ABCF3: variants seen among roughly 807,000 people sequenced by gnomAD.
ABCF3 encodes ATP-binding cassette sub-family F member 3.
Under a neutral mutation model 94.3 loss-of-function variants are expected in ABCF3, and 62 were observed. That is an observed-to-expected ratio of 0.66 (90% CI 0.54 to 0.81). The LOEUF (loss-of-function observed/expected upper bound fraction) is 0.81. Ranked by LOEUF, ABCF3 falls within the 40% of genes least tolerant of loss-of-function variation. The probability of loss-of-function intolerance (pLI) is 0.00; values close to 1 mark genes in which losing one functional copy is unlikely to be tolerated. For synonymous variants in ABCF3, 355 were observed against 361.1 expected (o/e 0.98, Z 0.19); for missense variants, 843 against 925.3 (o/e 0.91, Z 1.15).
At chr3:184,191,649 T>A (rs988606770) in intron 16 of ABCF3, among the ~76,000 whole-genome samples, 2 of 151,978 alleles carry the variant, frequency 1.3e-5, no homozygotes, top group African/African-American at 4.8e-5. Context: ...CGCTGACATC[T>A]ACCTCACTTG....
rs1716177299 is a variant in ABCF3 at position 184,193,689 on chromosome 3, C to T, written c.2121C>T (p.Gly707=). 3.1e-6 allele frequency: 5 copies of T among 1,609,612 alleles called. No homozygotes were observed. The highest frequency in any genetic ancestry group is 4.2e-6 in the Non-Finnish European group (5 of 1,177,562). Residue 707 remains glycine, a synonymous_variant, in exon 21 of 21, where the codon GGC becomes GGT. Coordinates refer to ENST00000429586, the MANE Select transcript of ABCF3 (RefSeq NM_018358.3). The surrounding 1 kb of genome is among the most constrained non-coding windows in gnomAD (Gnocchi z 5.2). The part of the protein sequence containing the change: ...ALLQEQFRRE[G]FL Reference sequence around the variant, plus strand: ...TCCAGGAACAGTTCCGCCGCGAAGGCTTCCTCTAGGGCCACCAGGCTGAGG... The same window carrying T: ...TCCAGGAACAGTTCCGCCGCGAAGGTTTCCTCTAGGGCCACCAGGCTGAGG...
chr3:184,193,912 G>T lies in ABCF3; in HGVS notation c.*214G>T, dbSNP rs6777562. 457 of 604,996 alleles carry T rather than the reference G, an allele frequency of 7.6e-4. 1 individual carries two copies. Among genetic ancestry groups the T allele is most frequent in the African/African-American group, 7.5e-3 (402 of 53,728 alleles). 37.5% of individuals were successfully genotyped at this position (604,996 alleles called of 1,614,324 possible). ...ACTGGTCTCCCGGGGGTGGGGGTCT[G>T]GGGGGTACCCTCTGGGGTTATAGAT... On this transcript the variant is annotated 3_prime_UTR_variant, in exon 21 of 21. Coordinates refer to ENST00000429586, the MANE Select transcript of ABCF3 (RefSeq NM_018358.3). This position sits in a 1 kb window ranked among gnomAD's most constrained non-coding sequence, Gnocchi z 5.2.
In ABCF3 at chr3:184,186,876, G is replaced by A; in HGVS notation, c.301+1G>A. 1 of 1,613,284 alleles carries A rather than the reference G, an allele frequency of 6.2e-7. No individual in the cohort carries two copies. Among genetic ancestry groups the A allele is most frequent in the Non-Finnish European group, 8.5e-7 (1 of 1,179,664 alleles). On this transcript the variant is annotated splice_donor_variant, in intron 3 of 20. Transcript: ENST00000429586. LOFTEE classifies it high-confidence loss of function. ...TTGTCAAAGATAACGGAGAACTACG[G>A]TGAGAGTGAGGGGAGGTTGAACTAA...
rs1426003155 is a variant in ABCF3, at chr3:184,188,440, C to T, written c.836+33C>T. On this transcript the variant is annotated intron_variant, in intron 7 of 20. Transcript: ENST00000429586. ...CTCCCGGCTAGGGAGTAACTAGCAGCCGCTGTCGCTTACAGAGCGCCTGCC... is the reference window on the plus strand; with the variant it reads ...CTCCCGGCTAGGGAGTAACTAGCAGTCGCTGTCGCTTACAGAGCGCCTGCC... The T allele has an allele frequency of 2.5e-6, 4 of 1,585,552 alleles. No individual in the cohort carries two copies. The African/African-American group carries it at 4.0e-5, about 16-fold the overall frequency.
In ABCF3 at chr3:184,189,482, C is replaced by T. The variant is rs780321460; in HGVS notation, c.1113+39C>T. 40 of 1,613,962 alleles carry T rather than the reference C, an allele frequency of 2.5e-5. 1 individual carries two copies. In the South Asian group the frequency reaches 3.8e-4, roughly 16 times the overall value. Reference sequence around the variant, plus strand: ...GGTGCTGGAGTGTGTTGGGGAAAGGCGGCCTCCAAGATACCTGGGGGCCTG... The same window carrying T: ...GGTGCTGGAGTGTGTTGGGGAAAGGTGGCCTCCAAGATACCTGGGGGCCTG... On this transcript the variant is annotated intron_variant, in intron 12 of 20. Transcript: ENST00000429586.
At chr3:184,189,813 A>G in intron 13 of ABCF3, 42 bp from the exon 14 acceptor site, 1 of 1,613,982 alleles carries the variant, frequency 6.2e-7, no homozygotes, top group Non-Finnish European at 8.5e-7. Flanking sequence ...AGTGGGGGAT[A>G]GTGGGGGAAT....
chr3:184,189,779 G>A lies in ABCF3; in HGVS notation c.1314+22G>A, dbSNP rs1352738055. 1.9e-6 allele frequency: 3 copies of A among 1,613,986 alleles called. No homozygotes were observed. In the South Asian group the frequency reaches 3.3e-5, roughly 18 times the overall value. On this transcript the variant is annotated intron_variant, in intron 13 of 20. Coordinates refer to ENST00000429586, the MANE Select transcript of ABCF3 (RefSeq NM_018358.3). Reference sequence around the variant, plus strand: ...CCAGGTGTGGGGCCTGGCAGGGCTGGGGGTCCCATCCCAGGGGTTCCAGAG... The same window carrying A: ...CCAGGTGTGGGGCCTGGCAGGGCTGAGGGTCCCATCCCAGGGGTTCCAGAG...
chr3:184,191,160 C>G lies in ABCF3; in HGVS notation c.1474C>G (p.Leu492Val), dbSNP rs886197544. ...GTTTGAGAAGTTCTCGCCGCCAATT[C>G]TGCAGCTAGATGAGGTGGATTTCTA... The part of the protein sequence containing the change: ...DGFEKFSPPI[L>V]QLDEVDFYYD... Residue 492 changes from leucine to valine, a missense_variant, in exon 16 of 21, where the codon CTG becomes GTG. Physicochemically the swap from Leu to Val is conservative, Grantham distance 32. Transcript: ENST00000429586. The G allele has an allele frequency of 1.2e-6, 2 of 1,614,244 alleles. No individual in the cohort carries two copies. The highest frequency in any genetic ancestry group is 1.7e-6 in the Non-Finnish European group (2 of 1,180,050).
Position 184,189,707 on chromosome 3 carries a change from A to G in ABCF3, c.1264A>G (p.Asn422Asp), listed in dbSNP as rs759982267. 27 of 1,614,090 alleles carry G rather than the reference A, an allele frequency of 1.7e-5. No individual in the cohort carries two copies. Among genetic ancestry groups the G allele is most frequent in the Non-Finnish European group, 2.2e-5 (26 of 1,180,024 alleles). ...FIKSKQERLLNQQREYEAQQQ... is the reference protein window; with the variant it reads ...FIKSKQERLLDQQREYEAQQQ... Reference sequence around the variant, plus strand: ...CAAGAGTAAGCAGGAGCGGCTGCTCAACCAGCAGCGTGAATATGAGGCGCA... The same window carrying G: ...CAAGAGTAAGCAGGAGCGGCTGCTCGACCAGCAGCGTGAATATGAGGCGCA... Residue 422 changes from asparagine (N) to aspartate (D), a missense_variant, in exon 13 of 21, where the codon AAC becomes GAC. Physicochemically the swap from Asn to Asp is conservative, Grantham distance 23 (BLOSUM62 1). Coordinates refer to ENST00000429586, the MANE Select transcript of ABCF3 (RefSeq NM_018358.3).
intron 1 of ABCF3, 31 bp downstream of exon 1, chr3:184,186,311 G>A (rs1315604050): frequency 3.1e-6 from 5 of 1,613,564 alleles, no homozygotes; most frequent in Non-Finnish European, 4.2e-6. Flanking sequence ...CGGCTGGGGA[G>A]ACCGAAGTGG....
rs1715987394 is a variant in ABCF3, at chr3:184,191,038, A to G, written c.1431A>G (p.Val477=). 1.2e-6 allele frequency: 2 copies of G among 1,614,184 alleles called. No homozygotes were observed. Among genetic ancestry groups the G allele is most frequent in the Non-Finnish European group, 1.7e-6 (2 of 1,180,048 alleles). The change falls in exon 15 of 21, where the codon GTA becomes GTG. Residue 477 remains valine (V), a synonymous_variant. Transcript: ENST00000429586. The part of the protein sequence containing the change: ...LKPVDKESEV[V]MKFPDGFEKF... ...CTGTGGACAAGGAATCAGAGGTCGT[A>G]ATGAAGTAAGTGCTGGGCCAGTGGG...
Position 184,193,681 on chromosome 3 carries a change from C to T in ABCF3, c.2113C>T (p.Arg705Cys), listed in dbSNP as rs780568215. The T allele has an allele frequency of 6.1e-5, 99 of 1,612,084 alleles. No individual in the cohort carries two copies. The highest frequency in any genetic ancestry group is 2.2e-4 in the South Asian group (20 of 90,844). Residue 705 changes from arginine to cysteine, a missense_variant, in exon 21 of 21, where the codon CGC (arginine) becomes TGC (cysteine). By Grantham distance (180) the Arg-to-Cys change is radical (BLOSUM62 -3). Transcript: ENST00000429586. The surrounding 1 kb of genome is among the most constrained non-coding windows in gnomAD (Gnocchi z 5.2). ...YRALLQEQFR[R>C]EGFL Reference sequence around the variant, plus strand: ...CGCCCTCCTCCAGGAACAGTTCCGCCGCGAAGGCTTCCTCTAGGGCCACCA... The same window carrying T: ...CGCCCTCCTCCAGGAACAGTTCCGCTGCGAAGGCTTCCTCTAGGGCCACCA...
Position 184,192,854 on chromosome 3 carries a change from C to A in ABCF3, c.1708C>A (p.Leu570Ile). ...CCAGCACCATGTGGAGCAGCTGGACCTAAACGTCAGTGCTGTGGAACTGCT... is the reference window on the plus strand; with the variant it reads ...CCAGCACCATGTGGAGCAGCTGGACATAAACGTCAGTGCTGTGGAACTGCT... ...FSQHHVEQLD[L>I]NVSAVELLAR... is the part of the protein sequence containing the mutation. Residue 570 changes from leucine to isoleucine, a missense_variant, in exon 18 of 21, where the codon CTA (leucine) becomes ATA (isoleucine). By Grantham distance (5) the Leu-to-Ile change is conservative (BLOSUM62 2). Coordinates refer to ENST00000429586, the MANE Select transcript of ABCF3 (RefSeq NM_018358.3). 2.5e-6 allele frequency: 4 copies of A among 1,614,218 alleles called. No individual in the cohort carries two copies. Among genetic ancestry groups the A allele is most frequent in the East Asian group, 2.2e-5 (1 of 44,886 alleles).
intron 3 of ABCF3, 38 bp from the exon 4 acceptor site, chr3:184,187,359 C>T (rs367710701): frequency 1.7e-4 from 280 of 1,613,340 alleles, no homozygotes; most frequent in Non-Finnish European, 2.3e-4. Flanking sequence ...TTTCCCTTCC[C>T]TCAGGGAGAA....
chr3:184,186,383 A>G (rs1577064519), intron 1 of ABCF3, 103 bp downstream of exon 1: 21 of 1,588,336 alleles, frequency 1.3e-5, no homozygotes, highest in Non-Finnish European at 1.7e-5. Context: ...TCTCCTCTGC[A>G]TGACCTCTTG....
Position 184,188,284 on chromosome 3 carries a change from A to C in ABCF3, c.713A>C (p.His238Pro), listed in dbSNP as rs1412244799. The C allele has an allele frequency of 6.2e-7, 1 of 1,614,148 alleles. No individual in the cohort carries two copies. Among genetic ancestry groups the C allele is most frequent in the Non-Finnish European group, 8.5e-7 (1 of 1,180,036 alleles). The change falls in exon 7 of 21, where the codon CAC (histidine) becomes CCC (proline). Residue 238 changes from histidine to proline, a missense_variant. Coordinates refer to ENST00000429586, the MANE Select transcript of ABCF3 (RefSeq NM_018358.3). The stretch of plus-strand genomic sequence containing the variant: ...GTTCCAGCCCACATTTCCCTGCTGC[A>C]CGTTGAGCAAGAGGTTGCTGGAGAT... ...LRVPAHISLL[H>P]VEQEVAGDDT...
Position 184,186,941 on chromosome 3 carries a change from G to C in ABCF3, c.301+66G>C. On this transcript the variant is annotated intron_variant, in intron 3 of 20. Coordinates refer to ENST00000429586, the MANE Select transcript of ABCF3 (RefSeq NM_018358.3). ...TTTTCTCCGCCCCCAACCATCTGCTGCCTGCAGCTTAGGGCTCCTACGTCT... is the reference window on the plus strand; with the variant it reads ...TTTTCTCCGCCCCCAACCATCTGCTCCCTGCAGCTTAGGGCTCCTACGTCT... 5 of 1,513,052 alleles carry C rather than the reference G, an allele frequency of 3.3e-6. No homozygotes were observed. In the South Asian group the frequency reaches 6.1e-5, roughly 18 times the overall value. The allele number at this position is 1,513,052 out of a possible 1,614,324, so 93.7% of individuals were successfully genotyped here.
chr3:184,190,031 G>A (rs1171150057), intron 14 of ABCF3, 100 bp downstream of exon 14: 15 of 1,269,556 alleles, frequency 1.2e-5, no homozygotes, highest in African/African-American at 5.9e-5. Context: ...TCTCCCCTTC[G>A]CTAGAAGCCA....
rs761159122 is a variant in ABCF3 at position 184,189,377 on chromosome 3, T to G, written c.1058-11T>G. On this transcript the variant is annotated splice_polypyrimidine_tract_variant and intron_variant, in intron 11 of 20. Transcript: ENST00000429586. ...CTTCAATCCCAAGTGTGTGCTCCCC[T>G]GCTTCTCCAGAACCTACAAACATGC... The G allele has an allele frequency of 6.2e-7, 1 of 1,614,106 alleles. No homozygotes were observed. The highest frequency in any genetic ancestry group is 8.5e-7 in the Non-Finnish European group (1 of 1,180,042).
Sources: allele counts gnomAD v4.1 joint callset (sites outside exome capture counted in the v4.1 genomes callset), GRCh38; gene constraint gnomAD v4.1.1; non-coding constraint Gnocchi (gnomAD v3.1); transcripts MANE v1.5; gene names NCBI Gene and HGNC (gene_info 2026-07-23, HGNC 2026-07-21).